DIAPH3: variants seen among roughly 807,000 people sequenced by gnomAD.
The protein encoded by DIAPH3 is protein diaphanous homolog 3.
A neutral mutation model predicts 144.3 loss-of-function variants in DIAPH3; 117 were observed. The ratio of observed to expected loss-of-function variants is 0.81; its 90% CI spans 0.70 to 0.95. The LOEUF (loss-of-function observed/expected upper bound fraction) is 0.95. Ranked by LOEUF, DIAPH3 falls within the 40% of genes least tolerant of loss-of-function variation. The pLI is 0.00. For synonymous variants in DIAPH3, 519 were observed against 488.9 expected (o/e 1.06, Z -0.81); for missense variants, 1,421 against 1,412.7 (o/e 1.01, Z -0.09).
At chr13:59,754,986 T>C (rs996066027) in intron 27 of DIAPH3, among the ~76,000 whole-genome samples, 1 of 152,212 alleles carries the variant, frequency 6.6e-6, no homozygotes, top group Non-Finnish European at 1.5e-5. Flanking sequence ...AGTGGCAACC[T>C]ACATCATTAA....
At chr13:60,136,801 G>A (rs1594757459) in intron 1 of DIAPH3, among the ~76,000 whole-genome samples, 1 of 152,078 alleles carries the variant, frequency 6.6e-6, no homozygotes, top group African/African-American at 2.4e-5. Context: ...TTAGCCGGGC[G>A]TGGTGGCGGG....
chr13:59,685,142 G>A lies in DIAPH3; in HGVS notation c.3320-18296C>T, dbSNP rs189831427. Among the ~76,000 whole-genome samples, 322 of 152,152 alleles carry A rather than the reference G, an allele frequency of 2.1e-3. 1 individual carries two copies. Among genetic ancestry groups the A allele is most frequent in the Admixed American group, 5.3e-3 (81 of 15,266 alleles). ...TGGAAAGATTATTGGGGAGTGTAGG[G>A]GTGAAGGGTGGGAAGGAGATTTTCT... On this transcript the variant is annotated intron_variant, in intron 27 of 27. Transcript: ENST00000400324.
chr13:60,154,701 C>T (rs922983505), intron 1 of DIAPH3, among the ~76,000 whole-genome samples: 1 of 152,120 alleles, frequency 6.6e-6, no homozygotes, highest in Non-Finnish European at 1.5e-5. Context: ...GAAAAGTTAC[C>T]TTTGTAGATC....
intron 25 of DIAPH3, 109 bp downstream of exon 25, chr13:59,810,679 A>G: frequency 8.4e-7 from 1 of 1,193,526 alleles, no homozygotes; most frequent in East Asian, 2.5e-5. Flanking sequence ...AATTACAGAA[A>G]CAAGTGGTTG....
intron 13 of DIAPH3, among the ~76,000 whole-genome samples, chr13:59,983,300 T>A (rs1235858799): frequency 1.1e-4 from 16 of 151,288 alleles, no homozygotes; most frequent in Admixed American, 1.1e-3. Flanking sequence ...TTAATAGATC[T>A]TTGCCTATGG....
intron 1 of DIAPH3, among the ~76,000 whole-genome samples, chr13:60,151,994 G>T (rs1473354878): frequency 6.6e-6 from 1 of 152,102 alleles, no homozygotes; most frequent in Non-Finnish European, 1.5e-5. Context: ...CTATAGTAAA[G>T]TCCATAATTA....
At chr13:60,005,078 C>A (rs1247466739) in intron 9 of DIAPH3, among the ~76,000 whole-genome samples, 1 of 152,192 alleles carries the variant, frequency 6.6e-6, no homozygotes, top group Non-Finnish European at 1.5e-5. Flanking sequence ...TTCACAGCAG[C>A]ATTTTTCATA....
intron 4 of DIAPH3, among the ~76,000 whole-genome samples, chr13:60,049,318 G>A (rs1023344974): frequency 2.6e-5 from 4 of 152,176 alleles, no homozygotes; most frequent in Non-Finnish European, 5.9e-5. Flanking sequence ...ATTTTAAATA[G>A]GGCAGCAAGT....
At chr13:59,731,804 G>GA (rs543760517) in intron 27 of DIAPH3, among the ~76,000 whole-genome samples, 2 of 152,136 alleles carry the variant, frequency 1.3e-5, no homozygotes, top group Admixed American at 6.5e-5. Flanking sequence ...TTTCACAGCT[G>GA]AAAAATGTTT....
At chr13:59,775,316 C>T (rs1434808933) in intron 25 of DIAPH3, among the ~76,000 whole-genome samples, 3 of 152,074 alleles carry the variant, frequency 2.0e-5, no homozygotes, top group African/African-American at 7.2e-5. Flanking sequence ...GATCTCTACT[C>T]ACTGCAAGCC....
intron 7 of DIAPH3, among the ~76,000 whole-genome samples, chr13:60,010,970 T>C (rs1035071976): frequency 6.6e-6 from 1 of 151,856 alleles, no homozygotes; most frequent in Non-Finnish European, 1.5e-5. Context: ...CCAGGCATGG[T>C]GGTGCATGCC....
chr13:60,099,978 CAAAAGGA>C (rs1195214950), intron 3 of DIAPH3, among the ~76,000 whole-genome samples: 1 of 138,962 alleles, frequency 7.2e-6, no homozygotes, highest in Non-Finnish European at 1.6e-5. Context: ...GAAGGAAAGT[CAAAAGGA>C]CATGAGCCAA....
chr13:59,861,357 T>G (rs2043572529), intron 22 of DIAPH3, 50 bp downstream of exon 22: 1 of 1,612,912 alleles, frequency 6.2e-7, no homozygotes, highest in African/African-American at 1.3e-5. Flanking sequence ...TTTTCAGTCT[T>G]TTAGCACTGA....
intron 17 of DIAPH3, among the ~76,000 whole-genome samples, chr13:59,952,925 CAA>C (rs1461090724): frequency 6.6e-6 from 1 of 152,058 alleles, no homozygotes; most frequent in African/African-American, 2.4e-5. Context: ...GTAAATGAAA[CAA>C]AGAGCTCTTT....
At chr13:59,783,180 G>A (rs1187316317) in intron 25 of DIAPH3, among the ~76,000 whole-genome samples, 1 of 152,048 alleles carries the variant, frequency 6.6e-6, no homozygotes, top group African/African-American at 2.4e-5. Context: ...GTGATTTCAG[G>A]GCCCAAGTAA....
chr13:60,070,992 T>C (rs2057185601), intron 4 of DIAPH3, among the ~76,000 whole-genome samples: 1 of 152,226 alleles, frequency 6.6e-6, no homozygotes, highest in African/African-American at 2.4e-5. Flanking sequence ...ACCACAGTAA[T>C]AATACATTTA....
intron 5 of DIAPH3, among the ~76,000 whole-genome samples, chr13:60,039,638 T>C (rs2055486027): frequency 6.6e-6 from 1 of 152,134 alleles, no homozygotes; most frequent in South Asian, 2.1e-4. Context: ...ATCCTGAACC[T>C]ACACCAGCAT....
At chr13:59,759,243 A>C (rs2037448254) in intron 27 of DIAPH3, among the ~76,000 whole-genome samples, 2 of 152,314 alleles carry the variant, frequency 1.3e-5, no homozygotes, top group Middle Eastern at 3.4e-3. Context: ...GCATGTGATG[A>C]ACCATATGGG....
chr13:60,042,465 CTA>C (rs1007522496), intron 5 of DIAPH3, among the ~76,000 whole-genome samples: 3 of 152,072 alleles, frequency 2.0e-5, no homozygotes, highest in African/African-American at 4.8e-5. Flanking sequence ...TCTAAAAATT[CTA>C]TGTGGGCAAA....
Sources: allele counts gnomAD v4.1 joint callset (sites outside exome capture counted in the v4.1 genomes callset), GRCh38; gene constraint gnomAD v4.1.1; transcripts MANE v1.5; gene names NCBI Gene and HGNC (gene_info 2026-07-23, HGNC 2026-07-21).